The following PCDH9 variants were observed in gnomAD, a reference collection of about 807,000 sequenced individuals.
PCDH9 encodes the protein protocadherin-9.
A neutral mutation model predicts 70.6 loss-of-function variants in PCDH9; 24 were observed. That is an observed-to-expected ratio of 0.34 (90% confidence interval 0.25 to 0.48). The LOEUF (loss-of-function observed/expected upper bound fraction) is 0.48. Ranked by LOEUF, PCDH9 falls within the 20% of genes least tolerant of loss-of-function variation. The probability of loss-of-function intolerance (pLI) is 0.99; values close to 1 mark genes in which losing one functional copy is unlikely to be tolerated. For missense variants in PCDH9, 1,281 were observed against 1,503.6 expected (o/e 0.85, Z 2.45); for synonymous variants, 562 against 558.5 (o/e 1.01, Z -0.09).
intron 2 of PCDH9, among the ~76,000 whole-genome samples, chr13:67,185,180 T>A (rs1450559195): frequency 1.3e-5 from 2 of 152,202 alleles, no homozygotes; most frequent in African/African-American, 4.8e-5. Context: ...ATCAAGGATA[T>A]TATGTTTTGT....
chr13:67,046,261 AT>A (rs1339387168), intron 2 of PCDH9, among the ~76,000 whole-genome samples: 1 of 152,158 alleles, frequency 6.6e-6, no homozygotes, highest in Non-Finnish European at 1.5e-5. Context: ...CTGCTAATGG[AT>A]TTTACACTCA....
intron 2 of PCDH9, among the ~76,000 whole-genome samples, chr13:66,980,988 T>C (rs2083751571): frequency 6.6e-6 from 1 of 152,126 alleles, no homozygotes. Context: ...GTGCAATGCT[T>C]ATTAAAGTAA....
At chr13:66,445,920 C>T (rs138153722) in intron 4 of PCDH9, among the ~76,000 whole-genome samples, 1 of 150,964 alleles carries the variant, frequency 6.6e-6, no homozygotes, top group Non-Finnish European at 1.5e-5. Flanking sequence ...GCTTGGTAAG[C>T]CTTTCGATGC....
intron 3 of PCDH9, among the ~76,000 whole-genome samples, chr13:66,684,954 A>G (rs915209319): frequency 1.3e-5 from 2 of 152,052 alleles, no homozygotes; most frequent in African/African-American, 4.8e-5. Flanking sequence ...GTCGAGATGG[A>G]GGTAGTGTTA....
intron 4 of PCDH9, among the ~76,000 whole-genome samples, chr13:66,544,908 T>A (rs1462596879): frequency 2.0e-5 from 3 of 152,184 alleles, no homozygotes; most frequent in Non-Finnish European, 4.4e-5. Context: ...GATCTTGTTT[T>A]ACTCAGCAGG....
Position 66,876,503 on chromosome 13 carries a change from T to C in PCDH9, c.3138+27001A>G, listed in dbSNP as rs1446561933. On this transcript the variant is annotated intron_variant, in intron 3 of 4. Coordinates refer to ENST00000377865, the MANE Select transcript of PCDH9 (RefSeq NM_203487.3). The stretch of plus-strand genomic sequence containing the variant: ...CTCTTCAACATGCCAAAAAGACCAA[T>C]GGAACTTATGTTTTAGTAGAATGAA... Among the ~76,000 whole-genome samples the C allele has an allele frequency of 2.0e-5, 3 of 152,140 alleles. 1 individual carries two copies. The highest frequency in any genetic ancestry group is 4.1e-4 in the South Asian group (2 of 4,830).
chr13:66,986,719 A>G (rs1046759627), intron 2 of PCDH9, among the ~76,000 whole-genome samples: 1 of 152,048 alleles, frequency 6.6e-6, no homozygotes, highest in African/African-American at 2.4e-5. Flanking sequence ...ATGATTTGAG[A>G]TGTTTAAAAA....
At chr13:66,889,988 C>T (rs981184801) in intron 3 of PCDH9, among the ~76,000 whole-genome samples, 1 of 152,098 alleles carries the variant, frequency 6.6e-6, no homozygotes, top group African/African-American at 2.4e-5. Flanking sequence ...TCTTGCTCTT[C>T]TTAACAATTC....
intron 3 of PCDH9, among the ~76,000 whole-genome samples, chr13:66,680,006 T>C (rs913302343): frequency 1.3e-5 from 2 of 152,026 alleles, no homozygotes; most frequent in Non-Finnish European, 2.9e-5. Flanking sequence ...TTCATAAATG[T>C]TTTCTTTCTT....
At chr13:66,441,447 ACTT>A (rs1303068232) in intron 4 of PCDH9, among the ~76,000 whole-genome samples, 10 of 152,136 alleles carry the variant, frequency 6.6e-5, no homozygotes, top group African/African-American at 2.4e-4. Context: ...TATGAAAACA[ACTT>A]TTTATTTTTA....
intron 4 of PCDH9, among the ~76,000 whole-genome samples, chr13:66,451,839 T>C (rs1958218846): frequency 6.6e-6 from 1 of 152,248 alleles, no homozygotes; most frequent in South Asian, 2.1e-4. Flanking sequence ...CCTTTTTCAC[T>C]AGACTGTTTA....
chr13:66,652,846 C>T (rs1457737755), intron 3 of PCDH9, among the ~76,000 whole-genome samples: 1 of 151,930 alleles, frequency 6.6e-6, no homozygotes, highest in African/African-American at 2.4e-5. Context: ...TCCATACATC[C>T]ACAGTGAACT....
intron 4 of PCDH9, among the ~76,000 whole-genome samples, chr13:66,568,169 G>A (rs1277526417): frequency 6.6e-6 from 1 of 152,088 alleles, no homozygotes; most frequent in East Asian, 1.9e-4. Flanking sequence ...ATAAGAAGAA[G>A]AAATAACTGA....
intron 2 of PCDH9, among the ~76,000 whole-genome samples, chr13:66,963,810 A>G (rs2083388398): frequency 6.6e-6 from 1 of 152,164 alleles, no homozygotes; most frequent in African/African-American, 2.4e-5. Flanking sequence ...GGGTTTATCA[A>G]TCTAAAAGCA....
intron 2 of PCDH9, among the ~76,000 whole-genome samples, chr13:66,917,615 A>T (rs958063421): frequency 3.3e-5 from 5 of 151,586 alleles, no homozygotes; most frequent in Admixed American, 1.3e-4. Context: ...AGAAGTGGCA[A>T]ATACTTGGTG....
At chr13:67,155,696 A>T (rs577478281) in intron 2 of PCDH9, among the ~76,000 whole-genome samples, 1 of 152,104 alleles carries the variant, frequency 6.6e-6, no homozygotes, top group Non-Finnish European at 1.5e-5. Context: ...TATAGAGAAC[A>T]CTAAGAATTG....
intron 4 of PCDH9, among the ~76,000 whole-genome samples, chr13:66,405,972 C>T (rs1957274011): frequency 6.6e-6 from 1 of 152,004 alleles, no homozygotes; most frequent in African/African-American, 2.4e-5. Context: ...GGAGGTGATG[C>T]TAGAGAGAGA....
At chr13:66,532,072 T>C (rs1243233583) in intron 4 of PCDH9, among the ~76,000 whole-genome samples, 1 of 152,112 alleles carries the variant, frequency 6.6e-6, no homozygotes, top group Admixed American at 6.6e-5. Context: ...TGGCAGCCTC[T>C]ACCTCCAGGG....
chr13:66,561,883 T>C (rs534141891), intron 4 of PCDH9, among the ~76,000 whole-genome samples: 22 of 152,188 alleles, frequency 1.4e-4, no homozygotes, highest in African/African-American at 4.8e-4. Context: ...TCTTCCACAC[T>C]GTGGAAGCTT....
Sources: gnomAD v4.1 joint callset for allele counts (sites outside exome capture counted in the v4.1 genomes callset) on GRCh38, gnomAD v4.1.1 for gene constraint, MANE v1.5 for transcripts, NCBI Gene and HGNC (gene_info 2026-07-23, HGNC 2026-07-21) for gene names.